Variants in PCLO observed in about 807,000 individuals in gnomAD.
The protein encoded by PCLO is piccolo presynaptic cytomatrix protein, also known as protein piccolo.
Under a neutral mutation model 427.5 loss-of-function variants are expected in PCLO, and 82 were observed. The ratio of observed to expected loss-of-function variants is 0.19; its 90% CI spans 0.16 to 0.23. The LOEUF (loss-of-function observed/expected upper bound fraction) is 0.23. Among genes scored for constraint, PCLO ranks in the 10% least tolerant of loss-of-function variants. PCLO has a pLI of 1.00. For missense variants in PCLO, 6,239 were observed against 6,115.9 expected, an observed-to-expected ratio of 1.02 and a Z score of -0.67; for synonymous variants, 2,357 against 2,155.4, an observed-to-expected ratio of 1.09 and a Z score of -2.59.
intron 20 of PCLO, among the ~76,000 whole-genome samples, chr7:82,810,491 A>G (rs1791546769): frequency 6.6e-6 from 1 of 151,508 alleles, no homozygotes; most frequent in South Asian, 2.1e-4. Context: ...TGCTATAAAT[A>G]TATGATAGAA....
chr7:83,024,387 A>G (rs1268033350), intron 3 of PCLO, among the ~76,000 whole-genome samples: 3 of 152,190 alleles, frequency 2.0e-5, no homozygotes, highest in Non-Finnish European at 4.4e-5. Flanking sequence ...CGAATACTGC[A>G]CTTTTCCGAT....
At chr7:82,783,865 T>C (rs573337014) in intron 22 of PCLO, among the ~76,000 whole-genome samples, 1 of 151,736 alleles carries the variant, frequency 6.6e-6, no homozygotes, top group African/African-American at 2.4e-5. Flanking sequence ...AAGTAATCAT[T>C]ATTAACTTGA....
intron 3 of PCLO, among the ~76,000 whole-genome samples, chr7:82,992,559 C>G (rs1315289843): frequency 1.3e-5 from 2 of 151,972 alleles, no homozygotes; most frequent in Non-Finnish European, 2.9e-5. Context: ...TGAGTGAGAA[C>G]ATGCAGAGAA....
chr7:83,094,381 G>C lies in PCLO; in HGVS notation c.3300+39869C>G, dbSNP rs563579360. Among the ~76,000 whole-genome samples, 3 of 151,650 alleles carry C rather than the reference G, an allele frequency of 2.0e-5. No individual in the cohort carries two copies. In the East Asian group the frequency reaches 5.8e-4, roughly 30 times the overall value. ...GCGCCACCATGCCCAGCTAATTTTT[G>C]TATTTTTAGTAGAGATGGGATTTCA... is the stretch of plus-strand genomic sequence containing the variant. On this transcript the variant is annotated intron_variant, in intron 3 of 24. Transcript: ENST00000333891.
At chr7:82,860,824 A>T (rs1792935093) in intron 10 of PCLO, among the ~76,000 whole-genome samples, 1 of 152,104 alleles carries the variant, frequency 6.6e-6, no homozygotes, top group African/African-American at 2.4e-5. Flanking sequence ...GGATGAAATT[A>T]AGGCATAGAG....
rs1039441884 is a variant in PCLO at position 83,097,190 on chromosome 7, T to C, written c.3300+37060A>G. Among the ~76,000 whole-genome samples, 2 of 125,282 alleles carry C rather than the reference T, an allele frequency of 1.6e-5. 1 individual carries two copies. The highest frequency in any genetic ancestry group is 6.0e-5 in the African/African-American group (2 of 33,192). 82.2% of individuals were successfully genotyped at this position (125,282 alleles called of 152,430 possible). ...TAAATATATATTATATATTATATAT[T>C]ATATTATTATATAAATTATATAAAT... On this transcript the variant is annotated intron_variant, in intron 3 of 24. Transcript: ENST00000333891.
chr7:82,956,496 T>A lies in PCLO; in HGVS notation c.4457A>T (p.Asp1486Val), dbSNP rs760217127. Residue 1486 changes from aspartate (D) to valine (V), a missense_variant, in exon 5 of 25, where the codon GAT becomes GTT. Asp to Val is a radical substitution (Grantham distance 152). Transcript: ENST00000333891. Reference protein sequence around the residue: ...KDTFKKDSQQDIPSSKDHKEK... With the variant: ...KDTFKKDSQQVIPSSKDHKEK... ...TTTATGGTCCTTGCTGGAAGGAATA[T>A]CTTGTTGGCTATCTTTTTTAAAAGT... 7 of 1,613,460 alleles carry A rather than the reference T, an allele frequency of 4.3e-6. No homozygotes were observed. The South Asian group carries it at 6.6e-5, about 15-fold the overall frequency.
chr7:83,144,483 T>C (rs1463479836), intron 2 of PCLO, among the ~76,000 whole-genome samples: 2 of 152,150 alleles, frequency 1.3e-5, no homozygotes, highest in Non-Finnish European at 2.9e-5. Flanking sequence ...AAAAGAATGT[T>C]CATAAGGAAC....
intron 22 of PCLO, among the ~76,000 whole-genome samples, chr7:82,786,661 T>C (rs1790990133): frequency 6.6e-6 from 1 of 152,154 alleles, no homozygotes; most frequent in South Asian, 2.1e-4. Flanking sequence ...GTTATAGGTA[T>C]ACACGTGCCA....
At chr7:83,101,503 G>C (rs1310178985) in intron 3 of PCLO, among the ~76,000 whole-genome samples, 1 of 151,886 alleles carries the variant, frequency 6.6e-6, no homozygotes, top group Non-Finnish European at 1.5e-5. Flanking sequence ...AAAACGGATA[G>C]AAAAATATGA....
In PCLO at chr7:82,949,963, C is replaced by T. The variant is rs1467096191; in HGVS notation, c.10625G>A (p.Arg3542Gln). 8.1e-6 allele frequency: 13 copies of T among 1,613,368 alleles called. No individual in the cohort carries two copies. In the African/African-American group the frequency reaches 9.4e-5, roughly 12 times the overall value. Residue 3542 changes from arginine (R) to glutamine (Q), a missense_variant, in exon 6 of 25, where the codon CGA becomes CAA. Physicochemically the swap from Arg to Gln is conservative, Grantham distance 43. Around this residue, in one of 5 missense-constraint regions of PCLO, gnomAD observed 4,677 missense variants for 4,468.4 expected, o/e 1.05. Transcript: ENST00000333891. ...AATTATTTCTACCTTGGCATCCACT[C>T]GTGCCCGTATGGAGGGTGTTCTTAT... ...GTIRTPSIRA[R>Q]VDAKVEIIKH...
Position 82,773,641 on chromosome 7 carries a change from T to C in PCLO, c.15008-12148A>G, listed in dbSNP as rs575662525. Among the ~76,000 whole-genome samples the C allele has an allele frequency of 3.3e-5, 5 of 152,238 alleles. No homozygotes were observed. The East Asian group carries it at 7.7e-4, about 24-fold the overall frequency. ...CTATTTTTCCAGCTAACACTTTACC[T>C]CCCTTCCTTAACTGTCATGCTAGAT... is the stretch of plus-strand genomic sequence containing the variant. On this transcript the variant is annotated intron_variant, in intron 22 of 24. Transcript: ENST00000333891.
rs867493646 is a variant in PCLO, at chr7:83,038,106, T to A, written c.3301-71619A>T. Among the ~76,000 whole-genome samples the A allele has an allele frequency of 6.4e-4, 76 of 118,712 alleles. 1 individual carries two copies. In the South Asian group the frequency reaches 8.2e-3, roughly 13 times the overall value. The allele number at this position is 118,712 out of a possible 152,430, so 77.9% of individuals were successfully genotyped here. A position where few individuals can be genotyped will look rare whatever the true frequency, so the allele number is the denominator to read the frequency against. On this transcript the variant is annotated intron_variant, in intron 3 of 24. Coordinates refer to ENST00000333891, the MANE Select transcript of PCLO (RefSeq NM_033026.6). The stretch of plus-strand genomic sequence containing the variant: ...ATATCTTTATATATATATATTTATA[T>A]ATGTATATATATGCACACACACACA...
chr7:82,918,544 A>G (rs932926820), intron 6 of PCLO, among the ~76,000 whole-genome samples: 1 of 151,958 alleles, frequency 6.6e-6, no homozygotes. Context: ...TCCTACAATA[A>G]TTTTCTTGAT....
At chr7:82,830,609 A>G (rs1792070588) in intron 16 of PCLO, among the ~76,000 whole-genome samples, 1 of 151,952 alleles carries the variant, frequency 6.6e-6, no homozygotes, top group South Asian at 2.1e-4. Context: ...TTTTGGACTT[A>G]CTTATCAAGG....
At chr7:82,834,402 T>A (rs1265896525) in intron 16 of PCLO, among the ~76,000 whole-genome samples, 2 of 152,200 alleles carry the variant, frequency 1.3e-5, no homozygotes, top group Admixed American at 1.3e-4. Flanking sequence ...ATTATGTGGC[T>A]GTAAGGAAAC....
chr7:82,761,163 A>G (rs1474058802), intron 23 of PCLO, among the ~76,000 whole-genome samples, 196 bp downstream of exon 23: 1 of 151,814 alleles, frequency 6.6e-6, no homozygotes, highest in African/African-American at 2.4e-5. Flanking sequence ...TTGGCTAATG[A>G]ATATAACACT....
intron 10 of PCLO, among the ~76,000 whole-genome samples, chr7:82,872,930 G>C (rs955475067): frequency 6.6e-6 from 1 of 152,054 alleles, no homozygotes; most frequent in Non-Finnish European, 1.5e-5. Flanking sequence ...TAAGCAAAAC[G>C]AATCTTATAT....
chr7:82,940,755 C>CTTTTTTTTTTTTTTTTTTTTT (rs71531190), intron 6 of PCLO, among the ~76,000 whole-genome samples: 3 of 109,138 alleles, frequency 2.7e-5, no homozygotes, highest in Non-Finnish European at 3.6e-5. Flanking sequence ...TTTTTTCTTT[C>CTTTTTTTTTTTTTTTTTTTTT]TTTTTTTTTT....
Sources: gnomAD v4.1 joint callset for allele counts (sites outside exome capture counted in the v4.1 genomes callset) on GRCh38, gnomAD v4.1.1 for gene constraint, gnomAD v4.1.1 regional missense constraint, MANE v1.5 for transcripts, NCBI Gene and HGNC (gene_info 2026-07-23, HGNC 2026-07-21) for gene names.